Variants in UNC13C observed in about 807,000 individuals in gnomAD.
UNC13C encodes the protein unc-13 homolog C.
In UNC13C, 174 loss-of-function variants were observed where a neutral mutation model predicts 245.4. The observed-to-expected ratio is 0.71, with a 90% CI of 0.63 to 0.80. The LOEUF is 0.80. UNC13C is among the 30% of genes least tolerant of loss of function. UNC13C has a pLI of 0.00. For synonymous variants in UNC13C, 992 were observed against 895.1 expected (o/e 1.11, Z -1.93); for missense variants, 2,829 against 2,602.9 (o/e 1.09, Z -1.89).
At chr15:54,207,036 C>G (rs889423835) in intron 4 of UNC13C, among the ~76,000 whole-genome samples, 1 of 151,978 alleles carries the variant, frequency 6.6e-6, no homozygotes, top group Non-Finnish European at 1.5e-5. Flanking sequence ...AAGTTTGGAT[C>G]TCACAGTAGC....
At chr15:54,294,110 C>T (rs773298890) in intron 11 of UNC13C, 46 bp downstream of exon 11, 8 of 1,442,902 alleles carry the variant, frequency 5.5e-6, no homozygotes, top group Non-Finnish European at 5.5e-6. Context: ...AATAAAACCC[C>T]TGAATACCTG....
intron 19 of UNC13C, among the ~76,000 whole-genome samples, chr15:54,448,469 G>A (rs936834272): frequency 1.3e-5 from 2 of 152,292 alleles, no homozygotes; most frequent in South Asian, 2.1e-4. Context: ...TGTATTGGGT[G>A]CATATATATT....
intron 17 of UNC13C, among the ~76,000 whole-genome samples, chr15:54,355,633 C>T (rs997526950): frequency 6.6e-6 from 1 of 152,144 alleles, no homozygotes; most frequent in African/African-American, 2.4e-5. Context: ...GCTGGGATTA[C>T]AGGTGTGAGC....
At chr15:53,936,996 C>A in the UNC13C span, among the ~76,000 whole-genome samples, 3 of 152,138 alleles carry the variant, frequency 2.0e-5, no homozygotes, top group East Asian at 3.9e-4. Flanking sequence ...ACTGCAACAC[C>A]TCTCCAGCAA....
At chr15:54,531,346 A>G (rs1435364471) in intron 25 of UNC13C, among the ~76,000 whole-genome samples, 1 of 152,216 alleles carries the variant, frequency 6.6e-6, no homozygotes, top group Non-Finnish European at 1.5e-5. Flanking sequence ...GGATTTCCAA[A>G]CAAAATACAG....
chr15:54,476,081 TG>T (rs758806705), intron 19 of UNC13C, among the ~76,000 whole-genome samples: 35 of 109,180 alleles, frequency 3.2e-4, no homozygotes, highest in East Asian at 3.2e-3. Flanking sequence ...TTTTTTCATG[TG>T]TCTTTTGGCT....
chr15:54,108,089 GT>G (rs958004927), intron 2 of UNC13C, among the ~76,000 whole-genome samples: 9 of 152,164 alleles, frequency 5.9e-5, no homozygotes, highest in African/African-American at 2.2e-4. Context: ...GTTTTATTCT[GT>G]TTCGCAGGAA....
the UNC13C span, among the ~76,000 whole-genome samples, chr15:53,900,100 C>T: frequency 7.9e-5 from 12 of 152,188 alleles, no homozygotes; most frequent in Non-Finnish European, 1.3e-4. Flanking sequence ...AAAATACCCC[C>T]TCGATCTTCA....
chr15:54,117,682 G>C (rs1344411133), intron 2 of UNC13C, among the ~76,000 whole-genome samples: 1 of 152,020 alleles, frequency 6.6e-6, no homozygotes, highest in Non-Finnish European at 1.5e-5. Flanking sequence ...CTGGGCACAA[G>C]TGAGTCTCCT....
At chr15:54,348,982 G>A (rs1378142391) in intron 17 of UNC13C, among the ~76,000 whole-genome samples, 1 of 151,582 alleles carries the variant, frequency 6.6e-6, no homozygotes, top group Non-Finnish European at 1.5e-5. Context: ...TGAAAGATAG[G>A]TGTTTTTTAC....
the UNC13C span, among the ~76,000 whole-genome samples, chr15:53,968,504 G>A: frequency 6.6e-6 from 1 of 152,290 alleles, no homozygotes; most frequent in South Asian, 2.1e-4. Context: ...GGTGACAAAG[G>A]AAAGGGGGTT....
chr15:54,065,673 G>A (rs549440773), intron 2 of UNC13C, among the ~76,000 whole-genome samples: 3 of 152,318 alleles, frequency 2.0e-5, no homozygotes, highest in East Asian at 3.9e-4. Flanking sequence ...CTTCCAGTTA[G>A]TGGGAGAAAG....
intron 10 of UNC13C, among the ~76,000 whole-genome samples, chr15:54,282,025 C>G (rs2037010379): frequency 6.6e-6 from 1 of 152,024 alleles, no homozygotes; most frequent in Non-Finnish European, 1.5e-5. Context: ...GAATACTATT[C>G]CATTGTATGG....
the UNC13C span, chr15:53,972,717 G>T: frequency 6.6e-6 from 1 of 152,080 alleles, no homozygotes. Flanking sequence ...TGCTCTTGGG[G>T]TCATCAGTGC....
chr15:53,928,553 G>A, the UNC13C span, among the ~76,000 whole-genome samples: 1 of 152,090 alleles, frequency 6.6e-6, no homozygotes, highest in Non-Finnish European at 1.5e-5. Context: ...GCCAGATTTT[G>A]GGGGCTTGCT....
At chr15:54,548,584 A>C (rs1351223325) in intron 27 of UNC13C, among the ~76,000 whole-genome samples, 1 of 152,088 alleles carries the variant, frequency 6.6e-6, no homozygotes, top group Non-Finnish European at 1.5e-5. Context: ...TTAGTAACAG[A>C]ATTGCAAGGG....
intron 2 of UNC13C, among the ~76,000 whole-genome samples, chr15:54,035,198 C>A (rs937619101): frequency 6.6e-6 from 1 of 151,902 alleles, no homozygotes; most frequent in Non-Finnish European, 1.5e-5. Context: ...TATAATGTAC[C>A]CAGAAAATGT....
At chr15:54,516,715 A>C (rs965990578) in intron 24 of UNC13C, among the ~76,000 whole-genome samples, 1 of 149,238 alleles carries the variant, frequency 6.7e-6, no homozygotes, top group African/African-American at 2.5e-5. Flanking sequence ...CGGGAGAATC[A>C]CTTGAACCCT....
chr15:54,598,308 T>G (rs756610344), intron 30 of UNC13C, among the ~76,000 whole-genome samples: 22 of 152,222 alleles, frequency 1.4e-4, no homozygotes, highest in Non-Finnish European at 2.2e-4. Context: ...TTGGCCAGAC[T>G]GGCCTCCAAC....
Sources: allele counts gnomAD v4.1 joint callset (sites outside exome capture counted in the v4.1 genomes callset), GRCh38; gene constraint gnomAD v4.1.1; transcripts MANE v1.5; gene names NCBI Gene and HGNC (gene_info 2026-07-23, HGNC 2026-07-21).